OPRM1: variants seen among roughly 807,000 people sequenced by gnomAD.
The protein encoded by OPRM1 is mu-type opioid receptor.
In OPRM1, 27 loss-of-function variants were observed where a neutral mutation model predicts 31.8. That is an observed-to-expected ratio of 0.85 (90% CI 0.63 to 1.17). The LOEUF (loss-of-function observed/expected upper bound fraction) is 1.17. OPRM1 is among the 50% of genes most tolerant of loss of function. The pLI is 0.00. For missense variants in OPRM1, 536 were observed against 511.1 expected (o/e 1.05, Z -0.47); for synonymous variants, 196 against 189.9 (o/e 1.03, Z -0.26).
chr6:154,063,052 A>T (rs142859655), intron 1 of OPRM1, among the ~76,000 whole-genome samples: 1 of 152,186 alleles, frequency 6.6e-6, no homozygotes, highest in African/African-American at 2.4e-5. Context: ...CAGAAAACAC[A>T]CACACAAAAC....
chr6:154,050,496 C>G (rs1295248073), intron 1 of OPRM1, among the ~76,000 whole-genome samples: 1 of 151,820 alleles, frequency 6.6e-6, no homozygotes, highest in Admixed American at 6.6e-5. Flanking sequence ...ATAAGCCAGG[C>G]ACAGAAAGAC....
intron 3 of OPRM1, among the ~76,000 whole-genome samples, chr6:154,162,774 A>T (rs1799128132): frequency 6.6e-6 from 1 of 152,048 alleles, no homozygotes; most frequent in African/African-American, 2.4e-5. Flanking sequence ...TCCCAAGTTT[A>T]TATCTCTCCT....
chr6:154,078,872 T>C lies in OPRM1; in HGVS notation c.291-10954T>C, dbSNP rs1788442405. ...CAGCCTGGGCGACAGAGCCAGACCT[T>C]ATGTCAGGAGGGGGAAAAAAAATCA... is the stretch of plus-strand genomic sequence containing the variant. On this transcript the variant is annotated intron_variant, in intron 1 of 3. Coordinates refer to ENST00000330432, the MANE Select transcript of OPRM1 (RefSeq NM_000914.5). 2.0e-5 allele frequency among the ~76,000 whole-genome samples: 3 copies of C among 148,314 alleles called. No individual in the cohort carries two copies. The South Asian group carries it at 6.2e-4, about 31-fold the overall frequency.
intron 3 of OPRM1, among the ~76,000 whole-genome samples, chr6:154,166,436 C>G (rs142321075): frequency 6.6e-6 from 1 of 152,220 alleles, no homozygotes; most frequent in African/African-American, 2.4e-5. Flanking sequence ...CTTCTCCCAA[C>G]GTGGAACTAC....
At chr6:154,050,622 G>C (rs1313505366) in intron 1 of OPRM1, among the ~76,000 whole-genome samples, 1 of 151,970 alleles carries the variant, frequency 6.6e-6, no homozygotes, top group Non-Finnish European at 1.5e-5. Flanking sequence ...GGGGGCTGAT[G>C]GGGGGCTGGG....
At chr6:154,218,029 T>G (rs1778551672) in intron 3 of OPRM1, among the ~76,000 whole-genome samples, 1 of 152,234 alleles carries the variant, frequency 6.6e-6, no homozygotes, top group South Asian at 2.1e-4. Flanking sequence ...TTTAGAATCT[T>G]GTTTGACTGT....
chr6:154,094,709 T>C (rs1486373948), intron 3 of OPRM1, among the ~76,000 whole-genome samples: 2 of 152,206 alleles, frequency 1.3e-5, no homozygotes, highest in African/African-American at 4.8e-5. Context: ...AAGCGTCTTT[T>C]GGCATAGAGT....
In OPRM1 at chr6:154,209,983, G is replaced by A. The variant is rs954214913; in HGVS notation, c.1165-36710G>A. Reference sequence around the variant, plus strand: ...AAATTTAAAGATACTTCTGAGTTCAGTGACCTAACTTACTGGCTTCATGAG... The same window carrying A: ...AAATTTAAAGATACTTCTGAGTTCAATGACCTAACTTACTGGCTTCATGAG... On this transcript the variant is annotated intron_variant, in intron 3 of 3. Transcript: ENST00000337049. 3.3e-5 allele frequency among the ~76,000 whole-genome samples: 5 copies of A among 152,182 alleles called. 1 individual carries two copies. The South Asian group carries it at 1.0e-3, about 31-fold the overall frequency.
chr6:154,150,959 A>G (rs1016638309), intron 3 of OPRM1, among the ~76,000 whole-genome samples: 6 of 152,198 alleles, frequency 3.9e-5, no homozygotes, highest in Non-Finnish European at 7.3e-5. Context: ...CGATGCGTCA[A>G]TGGCACTCAG....
intron 3 of OPRM1, among the ~76,000 whole-genome samples, chr6:154,243,729 G>A (rs1241417654): frequency 2.0e-5 from 3 of 152,182 alleles, no homozygotes; most frequent in African/African-American, 7.2e-5. Context: ...GGATTGGCAT[G>A]CTGTAAGTCA....
chr6:154,159,815 C>T (rs1798861967), intron 3 of OPRM1: 6 of 1,596,274 alleles, frequency 3.8e-6, no homozygotes, highest in Non-Finnish European at 5.1e-6. Context: ...GAGGAGAAAA[C>T]CCTGACTTTG....
chr6:154,164,912 T>G (rs1373822432), intron 3 of OPRM1, among the ~76,000 whole-genome samples: 1 of 152,216 alleles, frequency 6.6e-6, no homozygotes. Flanking sequence ...CAAGTTCAAC[T>G]TGGAAGTTTG....
rs77806090 is a variant in OPRM1 at position 154,089,910 on chromosome 6, C to T, written c.375C>T (p.Phe125=). The part of the protein sequence containing the change: ...ADALATSTLP[F]QSVNYLMGTW... ...CCTTAGCCACCAGTACCCTGCCCTTCCAGAGTGTGAATTACCTAATGGGAA... is the reference window on the plus strand; with the variant it reads ...CCTTAGCCACCAGTACCCTGCCCTTTCAGAGTGTGAATTACCTAATGGGAA... The change falls in exon 2 of 4, where the codon TTC becomes TTT. Residue 125 remains phenylalanine, a synonymous_variant. Transcript: ENST00000330432. 1.2e-6 allele frequency: 2 copies of T among 1,614,092 alleles called. No homozygotes were observed. Among genetic ancestry groups the T allele is most frequent in the Admixed American group, 3.3e-5 (2 of 60,014 alleles).
At chr6:154,159,944 G>A in intron 3 of OPRM1, 1 of 1,613,646 alleles carries the variant, frequency 6.2e-7, no homozygotes, top group Non-Finnish European at 8.5e-7. Context: ...TCCTGGATCA[G>A]CAGGGTGTTC....
At chr6:154,165,178 T>C (rs1431715575) in intron 3 of OPRM1, among the ~76,000 whole-genome samples, 2 of 152,036 alleles carry the variant, frequency 1.3e-5, no homozygotes, top group Non-Finnish European at 2.9e-5. Context: ...AGTGCACAAA[T>C]AGAAAAATTG....
At chr6:154,115,406 G>C (rs1052254657) in intron 3 of OPRM1, among the ~76,000 whole-genome samples, 4 of 152,144 alleles carry the variant, frequency 2.6e-5, no homozygotes, top group Admixed American at 6.5e-5. Context: ...CAGGTGTGGT[G>C]GTGCATGTCT....
At chr6:154,226,115 G>A (rs971120319) in intron 3 of OPRM1, among the ~76,000 whole-genome samples, 2 of 152,128 alleles carry the variant, frequency 1.3e-5, no homozygotes, top group Admixed American at 1.3e-4. Flanking sequence ...GAGTTCACTA[G>A]AGTTCTGTCC....
chr6:154,105,017 C>A (rs979097907), intron 3 of OPRM1, among the ~76,000 whole-genome samples: 1 of 152,208 alleles, frequency 6.6e-6, no homozygotes, highest in Non-Finnish European at 1.5e-5. Flanking sequence ...CCCCAAGGGA[C>A]TTTTATTGGC....
chr6:154,075,451 ACTT>A (rs1787667199), intron 1 of OPRM1, among the ~76,000 whole-genome samples: 1 of 134,424 alleles, frequency 7.4e-6, no homozygotes, highest in African/African-American at 3.0e-5. Context: ...TAAAATAAGC[ACTT>A]TTTTTTTTTT....
Sources: gnomAD v4.1 joint callset for allele counts (sites outside exome capture counted in the v4.1 genomes callset) on GRCh38, gnomAD v4.1.1 for gene constraint, MANE v1.5 for transcripts, NCBI Gene and HGNC (gene_info 2026-07-23, HGNC 2026-07-21) for gene names.